The following ZNF679 variants were observed in gnomAD, a reference collection of about 807,000 sequenced individuals.
ZNF679 encodes hypothetical protein MGC42415.
ZNF679 carries 10 observed loss-of-function variants against 13.4 expected under a neutral mutation model. That is an observed-to-expected ratio of 0.75 (90% CI 0.46 to 1.27). The LOEUF (loss-of-function observed/expected upper bound fraction) is 1.27, where lower values mean the gene tolerates loss of function less well. Ranked by LOEUF, ZNF679 falls within the 50% of genes most tolerant of loss-of-function variation. The pLI is 0.00. For synonymous variants in ZNF679, 179 were observed against 162.5 expected (o/e 1.10, Z -0.77); for missense variants, 525 against 477.8 (o/e 1.10, Z -0.92).
chr7:64,249,672 T>C (rs990529675), intron 2 of ZNF679, among the ~76,000 whole-genome samples: 1 of 152,204 alleles, frequency 6.6e-6, no homozygotes, highest in African/African-American at 2.4e-5. Flanking sequence ...AAGTCTGTTA[T>C]AAGTTGCATG....
intron 2 of ZNF679, among the ~76,000 whole-genome samples, chr7:64,255,019 A>G (rs1336535048): frequency 9.5e-6 from 1 of 105,330 alleles, no homozygotes; most frequent in Admixed American, 9.7e-5. Flanking sequence ...AAAAAAAAAG[A>G]AAAAAAATTG....
At chr7:64,232,431 T>C (rs1040362039) in intron 1 of ZNF679, among the ~76,000 whole-genome samples, 9 of 152,210 alleles carry the variant, frequency 5.9e-5, no homozygotes, top group Admixed American at 2.0e-4. Context: ...ATCTCTCTTA[T>C]TGGCTGGGTC....
chr7:64,262,518 T>C (rs1325482995), intron 4 of ZNF679, among the ~76,000 whole-genome samples: 4 of 152,214 alleles, frequency 2.6e-5, no homozygotes, highest in Admixed American at 2.6e-4. Flanking sequence ...AGCATCCAAG[T>C]TTATTTTTTC....
chr7:64,245,178 C>CA, intron 1 of ZNF679, among the ~76,000 whole-genome samples: 1 of 152,134 alleles, frequency 6.6e-6, no homozygotes, highest in East Asian at 1.9e-4. Context: ...AGGCACCCAC[C>CA]ACCACCCTGG....
Position 64,266,375 on chromosome 7 carries a change from G to A in ZNF679, c.742G>A (p.Ala248Thr). Residue 248 changes from alanine to threonine, a missense_variant, in exon 5 of 5, where the codon GCT (alanine) becomes ACT (threonine). Physicochemically the swap from Ala to Thr is moderately conservative, Grantham distance 58. Coordinates refer to ENST00000421025, the MANE Select transcript of ZNF679 (RefSeq NM_153363.3). ...KPYRCEECGKAFTWSSTLTKH... is the reference protein window; with the variant it reads ...KPYRCEECGKTFTWSSTLTKH... ...CTACAGATGTGAGGAATGTGGCAAA[G>A]CTTTTACCTGGTCCTCAACCCTTAC... The A allele has an allele frequency of 6.2e-7, 1 of 1,613,714 alleles. No homozygotes were observed.
intron 2 of ZNF679, among the ~76,000 whole-genome samples, chr7:64,250,428 C>T (rs1418576019): frequency 1.3e-5 from 2 of 151,642 alleles, no homozygotes; most frequent in Non-Finnish European, 2.9e-5. Flanking sequence ...CACCACCACG[C>T]CCGGCTAATT....
chr7:64,254,199 A>G (rs1040706851), intron 2 of ZNF679, among the ~76,000 whole-genome samples: 22 of 151,578 alleles, frequency 1.5e-4, no homozygotes, highest in African/African-American at 5.3e-4. Flanking sequence ...ATCTCAGCTC[A>G]CTGCAACCTC....
At chr7:64,249,002 G>C in intron 1 of ZNF679, 26 bp from the exon 2 acceptor site, 3 of 1,484,732 alleles carry the variant, frequency 2.0e-6, no homozygotes, top group Non-Finnish European at 2.8e-6. Flanking sequence ...TAATTTTCCG[G>C]GTCCTTTGTG....
At chr7:64,241,217 C>G (rs924737602) in intron 1 of ZNF679, among the ~76,000 whole-genome samples, 5 of 152,298 alleles carry the variant, frequency 3.3e-5, no homozygotes, top group Admixed American at 1.3e-4. Context: ...GTTAAAGACC[C>G]AGAACCTTAG....
intron 1 of ZNF679, among the ~76,000 whole-genome samples, chr7:64,234,457 T>TG (rs1314439630): frequency 1.3e-5 from 2 of 152,038 alleles, no homozygotes; most frequent in Admixed American, 6.6e-5. Context: ...GAGTAAAATG[T>TG]GGGGGGACAT....
intron 2 of ZNF679, among the ~76,000 whole-genome samples, chr7:64,256,152 A>G (rs1383168775): frequency 6.6e-6 from 1 of 152,094 alleles, no homozygotes; most frequent in Admixed American, 6.6e-5. Context: ...TCCCATTTAT[A>G]AGTGACAACA....
chr7:64,261,690 A>C (rs1788079147), intron 4 of ZNF679, among the ~76,000 whole-genome samples: 1 of 152,036 alleles, frequency 6.6e-6, no homozygotes, highest in Admixed American at 6.6e-5. Flanking sequence ...TTTTGAAAAA[A>C]TTTATATTGG....
chr7:64,248,190 A>C (rs1787893413), intron 1 of ZNF679, among the ~76,000 whole-genome samples: 1 of 152,024 alleles, frequency 6.6e-6, no homozygotes, highest in Non-Finnish European at 1.5e-5. Flanking sequence ...ATATCTTGAG[A>C]GCTCCCTTAC....
At chr7:64,228,796 A>G (rs1325919171) in intron 1 of ZNF679, 144 bp downstream of exon 1, 4 of 152,210 alleles carry the variant, frequency 2.6e-5, no homozygotes, top group Non-Finnish European at 5.9e-5. Context: ...CAGAGTCACT[A>G]TCCTACCTGT....
rs981908917 is a variant in ZNF679 at position 64,260,172 on chromosome 7, G to A, written c.40-49G>A. The A allele has an allele frequency of 5.2e-6, 8 of 1,527,788 alleles. No homozygotes were observed. In the African/African-American group the frequency reaches 8.4e-5, roughly 16 times the overall value. The allele number at this position is 1,527,788 out of a possible 1,614,324, so 94.6% of individuals were successfully genotyped here. ...ATCTCTGCCTACGGCCACATAGTAAGTGTTTGTGTGTTCATGAGTGTTTTT... is the reference window on the plus strand; with the variant it reads ...ATCTCTGCCTACGGCCACATAGTAAATGTTTGTGTGTTCATGAGTGTTTTT... On this transcript the variant is annotated intron_variant, in intron 2 of 4. Coordinates refer to ENST00000421025, the MANE Select transcript of ZNF679 (RefSeq NM_153363.3).
chr7:64,254,480 T>TG (rs1010431746), intron 2 of ZNF679, among the ~76,000 whole-genome samples: 1 of 150,854 alleles, frequency 6.6e-6, no homozygotes, highest in Non-Finnish European at 1.5e-5. Context: ...TCCCCAACAT[T>TG]TTTTTTTTGT....
At chr7:64,232,374 G>T (rs79219778) in intron 1 of ZNF679, among the ~76,000 whole-genome samples, 5,454 of 152,290 alleles carry the variant, frequency 0.036, 174 homozygotes, top group East Asian at 0.16. Flanking sequence ...TCTACATGTA[G>T]AATACTCAGG....
chr7:64,250,328 G>C (rs761190336), intron 2 of ZNF679, among the ~76,000 whole-genome samples: 1 of 126,234 alleles, frequency 7.9e-6, no homozygotes, highest in Non-Finnish European at 1.6e-5. Flanking sequence ...GCAGTGCAGT[G>C]ATGTGATCTC....
intron 1 of ZNF679, among the ~76,000 whole-genome samples, chr7:64,232,955 C>T (rs1787660462): frequency 6.6e-6 from 1 of 152,144 alleles, no homozygotes; most frequent in African/African-American, 2.4e-5. Context: ...GAAATAGAGT[C>T]ATAGGCTGGG....
Sources: allele counts gnomAD v4.1 joint callset (sites outside exome capture counted in the v4.1 genomes callset), GRCh38; gene constraint gnomAD v4.1.1; transcripts MANE v1.5; gene names NCBI Gene and HGNC (gene_info 2026-07-23, HGNC 2026-07-21).